Variants in PARP15 observed in about 807,000 individuals in gnomAD.
The protein encoded by PARP15 is protein mono-ADP-ribosyltransferase PARP15.
PARP15 carries 50 observed loss-of-function variants against 62.1 expected under a neutral mutation model. The ratio of observed to expected loss-of-function variants is 0.81; its 90% CI spans 0.64 to 1.02. The LOEUF (loss-of-function observed/expected upper bound fraction) is 1.02, where lower values mean the gene tolerates loss of function less well. Among genes scored for constraint, PARP15 ranks in the 50% least tolerant of loss-of-function variants. The pLI is 0.00. For missense variants in PARP15, 820 were observed against 826.5 expected (o/e 0.99, Z 0.10); for synonymous variants, 309 against 293.1 (o/e 1.05, Z -0.55).
intron 8 of PARP15, among the ~76,000 whole-genome samples, chr3:122,624,263 A>G (rs911136330): frequency 6.6e-6 from 1 of 152,198 alleles, no homozygotes; most frequent in African/African-American, 2.4e-5. Flanking sequence ...TGTATTAGTA[A>G]TATTAATAAT....
rs150893196 is a variant in PARP15 at position 122,609,681 on chromosome 3, G to C, written c.307-813G>C. 5.3e-3 allele frequency among the ~76,000 whole-genome samples: 778 copies of C among 145,950 alleles called. 7 individuals carry two copies. The highest frequency in any genetic ancestry group is 0.019 in the African/African-American group (737 of 38,360). ...CCACTGCACTCCAGCCCTGGGAACAGATCGAAATCGTGTTTAAAAAAAAAA... is the reference window on the plus strand; with the variant it reads ...CCACTGCACTCCAGCCCTGGGAACACATCGAAATCGTGTTTAAAAAAAAAA... On this transcript the variant is annotated intron_variant, in intron 2 of 11. Transcript: ENST00000464300.
chr3:122,626,986 AC>A lies in PARP15; in HGVS notation c.1393del (p.Leu465SerfsTer5). The A allele has an allele frequency of 1.9e-6, 3 of 1,613,816 alleles. No individual in the cohort carries two copies. The highest frequency in any genetic ancestry group is 2.5e-6 in the Non-Finnish European group (3 of 1,179,952). On this transcript the variant is annotated frameshift_variant, in exon 9 of 12. Transcript: ENST00000464300. LOFTEE classifies it high-confidence loss of function. ...TTCTACGACAGCATGAAAAAAAGAG[AC>A]CTCTCTGCATCACTGAACTTTCAGT... is the stretch of plus-strand genomic sequence containing the variant. ...NIFYDSMKKR[D>X]LSASLNFQST...
rs768032755 is a variant in PARP15, at chr3:122,577,740, G to T, written c.73G>T (p.Gly25Ter). 81 of 1,551,578 alleles carry T rather than the reference G, an allele frequency of 5.2e-5. No individual in the cohort carries two copies. The highest frequency in any genetic ancestry group is 7.0e-5 in the Non-Finnish European group (80 of 1,146,980). ...TCCGACCCCCAGAGAACTTATGCAC[G>T]GAGTTGCAGGTGTTACTTCCAGAGC... ...GAPTPRELMH[G>*]VAGVTSRAGR... The change falls in exon 1 of 12, where the codon GGA becomes TGA. Residue 25 changes from glycine (G) to a stop codon, truncating the protein, a stop_gained. Transcript: ENST00000464300. LOFTEE classifies it high-confidence loss of function.
intron 1 of PARP15, among the ~76,000 whole-genome samples, chr3:122,595,039 T>G (rs1363758231): frequency 2.0e-5 from 3 of 152,204 alleles, no homozygotes; most frequent in Non-Finnish European, 4.4e-5. Context: ...TTTTAATGCA[T>G]GGATGAAGTC....
intron 1 of PARP15, among the ~76,000 whole-genome samples, chr3:122,582,868 A>G (rs372465258): frequency 6.6e-6 from 1 of 151,974 alleles, no homozygotes; most frequent in South Asian, 2.1e-4. Flanking sequence ...GCTGTGACTT[A>G]AATTTCACTT....
At chr3:122,618,010 G>T (rs145122210) in intron 6 of PARP15, among the ~76,000 whole-genome samples, 1 of 152,162 alleles carries the variant, frequency 6.6e-6, no homozygotes, top group Non-Finnish European at 1.5e-5. Flanking sequence ...GGGATTACAG[G>T]TGTGAGCCAC....
chr3:122,600,265 G>T (rs114833149), intron 1 of PARP15, among the ~76,000 whole-genome samples: 1 of 151,930 alleles, frequency 6.6e-6, no homozygotes. Context: ...GGAGAAAAAA[G>T]GCAAAAGAGT....
rs781210434 is a variant in PARP15 at position 122,615,689 on chromosome 3, C to T, written c.772-90C>T. 3.1e-6 allele frequency: 5 copies of T among 1,597,008 alleles called. No individual in the cohort carries two copies. The African/African-American group carries it at 4.1e-5, about 13-fold the overall frequency. ...ATATTTTGAGAACTATTGTTATCAA[C>T]TCTTTGATATCTGATGATCAATGCT... On this transcript the variant is annotated intron_variant, in intron 4 of 11. Transcript: ENST00000464300.
At chr3:122,610,833 G>A in intron 3 of PARP15, 103 bp downstream of exon 3, 2 of 965,354 alleles carry the variant, frequency 2.1e-6, no homozygotes, top group Non-Finnish European at 2.9e-6. Flanking sequence ...GCCCCACAGA[G>A]GACAGTTGGG....
chr3:122,592,073 G>A (rs13079281), intron 1 of PARP15, among the ~76,000 whole-genome samples: 130,000 of 152,094 alleles, frequency 0.85, 56,082 homozygotes, highest in East Asian at 0.92. Context: ...CATTTGACCT[G>A]GCAATCCCAT....
In PARP15 at chr3:122,638,139, T is replaced by A. The variant is rs532061091; in HGVS notation, c.*2039T>A. Reference sequence around the variant, plus strand: ...ACAAAGGACATGAACTCATCATTTTTTATGGCTGCATAGTATTCCATGGTG... The same window carrying A: ...ACAAAGGACATGAACTCATCATTTTATATGGCTGCATAGTATTCCATGGTG... On this transcript the variant is annotated 3_prime_UTR_variant, in exon 12 of 12. Coordinates refer to ENST00000464300, the MANE Select transcript of PARP15 (RefSeq NM_001113523.3). 68 of 151,734 alleles carry A rather than the reference T, an allele frequency of 4.5e-4. No individual in the cohort carries two copies. The highest frequency in any genetic ancestry group is 7.2e-4 in the Non-Finnish European group (49 of 67,894). 9.4% of individuals were successfully genotyped at this position (151,734 alleles called of 1,614,324 possible).
In PARP15 at chr3:122,610,493, G is replaced by A; in HGVS notation, c.307-1G>A. 1 of 1,550,014 alleles carries A rather than the reference G, an allele frequency of 6.5e-7. No individual in the cohort carries two copies. Among genetic ancestry groups the A allele is most frequent in the South Asian group, 1.2e-5 (1 of 83,698 alleles). ...CTCTAACTGTTGCTATTTTCGTTAA[G>A]GCCGATGTCATTGTCAACAGCGTTC... On this transcript the variant is annotated splice_acceptor_variant, in intron 2 of 11. Coordinates refer to ENST00000464300, the MANE Select transcript of PARP15 (RefSeq NM_001113523.3). LOFTEE classifies it high-confidence loss of function.
chr3:122,623,868 G>T (rs1936509244), intron 8 of PARP15, among the ~76,000 whole-genome samples: 1 of 152,200 alleles, frequency 6.6e-6, no homozygotes, highest in Non-Finnish European at 1.5e-5. Context: ...CTCAGACCTG[G>T]CTCAGGGGCT....
intron 7 of PARP15, 173 bp from the exon 8 acceptor site, chr3:122,621,271 C>T (rs1290301666): frequency 3.1e-6 from 2 of 638,436 alleles, no homozygotes; most frequent in Admixed American, 6.4e-5. Context: ...CTCGAGAATT[C>T]TGATTGTAAA....
intron 2 of PARP15, 81 bp from the exon 3 acceptor site, chr3:122,610,413 C>G (rs1207166461): frequency 3.2e-6 from 4 of 1,268,518 alleles, no homozygotes; most frequent in Non-Finnish European, 4.4e-6. Context: ...GTACATTACC[C>G]CACAATACTT....
At position 122,580,045 on chromosome 3, in the gene PARP15, G is replaced by GCA. The variant is rs1288514919; in HGVS notation, c.186+2205_186+2206dup. ...TATATATATATATATATGCACGCGC[G>GCA]CACACACACACACAGAGACATTTGT... On this transcript the variant is annotated intron_variant, in intron 1 of 11. Coordinates refer to ENST00000464300, the MANE Select transcript of PARP15 (RefSeq NM_001113523.3). Among the ~76,000 whole-genome samples the GCA allele has an allele frequency of 2.7e-3, 325 of 122,232 alleles. 2 individuals are homozygous for GCA. The highest frequency in any genetic ancestry group is 8.5e-3 in the African/African-American group (289 of 34,072). The allele number at this position is 122,232 out of a possible 152,430, so 80.2% of individuals were successfully genotyped here.
At position 122,632,162 on chromosome 3, in the gene PARP15, A is replaced by C; in HGVS notation, c.1515A>C (p.Glu505Asp). The change falls in exon 10 of 12, where the codon GAA (glutamate) becomes GAC (aspartate). Residue 505 changes from glutamate (E) to aspartate (D), a missense_variant. Physicochemically the swap from Glu to Asp is conservative, Grantham distance 45 (BLOSUM62 2). Around this residue, in one of 3 missense-constraint regions of PARP15, gnomAD observed 731 missense variants for 727.7 expected, o/e 1.00. Coordinates refer to ENST00000464300, the MANE Select transcript of PARP15 (RefSeq NM_001113523.3). Reference protein sequence around the residue: ...CMVQLEPGQSEYNTIKDKFTR... With the variant: ...CMVQLEPGQSDYNTIKDKFTR... ...TCCAGCTAGAGCCAGGACAATCAGA[A>C]TATAATACCATAAAGGACAAGTTCA... 1 of 1,613,928 alleles carries C rather than the reference A, an allele frequency of 6.2e-7. No homozygotes were observed. Among genetic ancestry groups the C allele is most frequent in the East Asian group, 2.2e-5 (1 of 44,870 alleles).
At chr3:122,580,123 C>CA (rs1216950734) in intron 1 of PARP15, among the ~76,000 whole-genome samples, 5 of 149,516 alleles carry the variant, frequency 3.3e-5, no homozygotes, top group African/African-American at 1.2e-4. Flanking sequence ...CACTTGAAAA[C>CA]AAAGTACATT....
intron 1 of PARP15, among the ~76,000 whole-genome samples, chr3:122,601,135 G>C (rs1218745367): frequency 1.4e-5 from 2 of 140,840 alleles, no homozygotes. Context: ...TCCACCTACT[G>C]GGTCAAGCCT....
Sources: gnomAD v4.1 joint callset for allele counts (sites outside exome capture counted in the v4.1 genomes callset) on GRCh38, gnomAD v4.1.1 for gene constraint, gnomAD v4.1.1 regional missense constraint, MANE v1.5 for transcripts, NCBI Gene and HGNC (gene_info 2026-07-23, HGNC 2026-07-21) for gene names.